The following UBR1 variants were observed in gnomAD, a reference collection of about 807,000 sequenced individuals.
UBR1 encodes E3 ubiquitin-protein ligase UBR1.
UBR1 carries 102 observed loss-of-function variants against 242.1 expected under a neutral mutation model. The ratio of observed to expected loss-of-function variants is 0.42; its 90% CI spans 0.36 to 0.50. The LOEUF is 0.50. Among genes scored for constraint, UBR1 ranks in the 20% least tolerant of loss-of-function variants. The probability of loss-of-function intolerance (pLI) is 0.01; values close to 1 mark genes in which losing one functional copy is unlikely to be tolerated. For missense variants in UBR1, 1,772 were observed against 2,101.8 expected (o/e 0.84, Z 3.07); for synonymous variants, 675 against 684.8 (o/e 0.99, Z 0.22).
chr15:42,945,403 A>G lies in UBR1; in HGVS notation c.5176T>C (p.Cys1726Arg). 6.2e-7 allele frequency: 1 copy of G among 1,614,182 alleles called. No individual in the cohort carries two copies. Among genetic ancestry groups the G allele is most frequent in the South Asian group, 1.1e-5 (1 of 91,080 alleles). The change falls in exon 47 of 47, where the codon TGC becomes CGC. Residue 1726 changes from cysteine (C) to arginine (R), a missense_variant. Around this residue, in one of 3 missense-constraint regions of UBR1, gnomAD observed 965 missense variants for 1,079.7 expected, o/e 0.89. Coordinates refer to ENST00000290650, the MANE Select transcript of UBR1 (RefSeq NM_174916.3). ...RKLHLVWQQH[C>R]IIEEIARSQE... ...CTCCTAGCAATCTCTTCTATAATGCAGTGTTGTTGCCAGACCAAATGGAGC... is the reference window on the plus strand; with the variant it reads ...CTCCTAGCAATCTCTTCTATAATGCGGTGTTGTTGCCAGACCAAATGGAGC...
intron 15 of UBR1, among the ~76,000 whole-genome samples, chr15:43,040,970 T>C (rs1214030402): frequency 6.6e-6 from 1 of 152,074 alleles, no homozygotes; most frequent in Non-Finnish European, 1.5e-5. Flanking sequence ...CGTGGAGAAA[T>C]AGGAACACTT....
chr15:43,045,589 T>G (rs748212447), intron 14 of UBR1, among the ~76,000 whole-genome samples: 1 of 152,104 alleles, frequency 6.6e-6, no homozygotes, highest in Non-Finnish European at 1.5e-5. Flanking sequence ...AACTTTTAAC[T>G]AAGTGGTAGA....
chr15:43,001,616 C>T (rs1204978740), intron 32 of UBR1, among the ~76,000 whole-genome samples: 2 of 152,116 alleles, frequency 1.3e-5, no homozygotes, highest in Non-Finnish European at 2.9e-5. Flanking sequence ...TATTATACTA[C>T]TGTTATCATC....
At position 42,989,971 on chromosome 15, in the gene UBR1, T is replaced by C. The variant is rs548182530; in HGVS notation, c.3848+59A>G. 1.2e-4 allele frequency: 152 copies of C among 1,249,418 alleles called. No homozygotes were observed. In the African/African-American group the frequency reaches 2.0e-3, roughly 16 times the overall value. 77.4% of individuals were successfully genotyped at this position (1,249,418 alleles called of 1,614,324 possible). A position where few individuals can be genotyped will look rare whatever the true frequency, so the allele number is the denominator to read the frequency against. On this transcript the variant is annotated intron_variant, in intron 34 of 46. Transcript: ENST00000290650. ...TAAGGAAAGATGGAAGCCTACACTG[T>C]TTCCTACTCTTATTTTCACAATCAT...
At chr15:43,099,883 T>C (rs955540832) in intron 1 of UBR1, among the ~76,000 whole-genome samples, 1 of 150,610 alleles carries the variant, frequency 6.6e-6, no homozygotes, top group African/African-American at 2.4e-5. Flanking sequence ...GGTGCCTCTT[T>C]TTTTTTTTTT....
At chr15:43,016,749 G>C (rs2141298200) in intron 28 of UBR1, among the ~76,000 whole-genome samples, 1 of 152,218 alleles carries the variant, frequency 6.6e-6, no homozygotes, top group Admixed American at 6.5e-5. Flanking sequence ...GCTAATTTTT[G>C]TATTTTTACT....
intron 40 of UBR1, among the ~76,000 whole-genome samples, chr15:42,967,896 A>G (rs1402141707): frequency 6.6e-6 from 1 of 151,140 alleles, no homozygotes; most frequent in East Asian, 1.9e-4. Flanking sequence ...TAACCTCTAC[A>G]CAAGGGTTAA....
chr15:43,017,196 T>C lies in UBR1; in HGVS notation c.2941-15A>G, dbSNP rs1477535294. 1 of 1,595,458 alleles carries C rather than the reference T, an allele frequency of 6.3e-7. No homozygotes were observed. Among genetic ancestry groups the C allele is most frequent in the East Asian group, 2.2e-5 (1 of 44,776 alleles). ...GTGTCAAACATCTGTGAAAAACAGA[T>C]GAAACGTTAAAAGAGTTAGTTAGAC... On this transcript the variant is annotated splice_polypyrimidine_tract_variant and intron_variant, in intron 27 of 46. Transcript: ENST00000290650.
intron 4 of UBR1, among the ~76,000 whole-genome samples, chr15:43,072,225 C>T (rs1263450343): frequency 6.6e-6 from 1 of 152,142 alleles, no homozygotes; most frequent in Non-Finnish European, 1.5e-5. Context: ...CAATGTAATA[C>T]ACCATATAAA....
chr15:43,025,416 T>C lies in UBR1; in HGVS notation c.2549A>G (p.Gln850Arg). 6.2e-7 allele frequency: 1 copy of C among 1,607,618 alleles called. No homozygotes were observed. Among genetic ancestry groups the C allele is most frequent in the Admixed American group, 1.7e-5 (1 of 59,784 alleles). ...KTQHSKAEHM[Q>R]KKRRKQENKD... ...GTTTTCTTGTTTTCTCCTTTTCTTCTGCATATGTTCAGCCTATAAAAAAAT... is the reference window on the plus strand; with the variant it reads ...GTTTTCTTGTTTTCTCCTTTTCTTCCGCATATGTTCAGCCTATAAAAAAAT... Residue 850 changes from glutamine to arginine, a missense_variant, in exon 24 of 47, where the codon CAG becomes CGG. Around this residue, in one of 3 missense-constraint regions of UBR1, gnomAD observed 965 missense variants for 1,079.7 expected, o/e 0.89. Coordinates refer to ENST00000290650, the MANE Select transcript of UBR1 (RefSeq NM_174916.3).
At chr15:42,958,705 T>G (rs941835783) in intron 43 of UBR1, among the ~76,000 whole-genome samples, 4 of 152,172 alleles carry the variant, frequency 2.6e-5, no homozygotes, top group Non-Finnish European at 4.4e-5. Context: ...AATACATGCT[T>G]GCAAATGTTA....
intron 32 of UBR1, among the ~76,000 whole-genome samples, chr15:42,998,635 C>T (rs962480975): frequency 6.6e-6 from 1 of 152,074 alleles, no homozygotes; most frequent in Non-Finnish European, 1.5e-5. Context: ...CAAATATATC[C>T]CAAGTTCATC....
intron 42 of UBR1, among the ~76,000 whole-genome samples, chr15:42,961,154 G>A (rs899990518): frequency 1.5e-5 from 2 of 136,112 alleles, no homozygotes; most frequent in Non-Finnish European, 3.1e-5. Context: ...TGCTCTTGTC[G>A]CCCAGGCTGG....
intron 32 of UBR1, among the ~76,000 whole-genome samples, chr15:42,998,929 A>G (rs1270082246): frequency 2.9e-5 from 4 of 136,786 alleles, no homozygotes; most frequent in Non-Finnish European, 6.2e-5. Context: ...CCAAACTTGG[A>G]GCCTTTGCTT....
At chr15:42,956,433 C>T (rs1032369764) in intron 44 of UBR1, among the ~76,000 whole-genome samples, 1 of 152,194 alleles carries the variant, frequency 6.6e-6, no homozygotes, top group African/African-American at 2.4e-5. Context: ...GATTCTCACG[C>T]CTCAGCCTCC....
Position 43,056,461 on chromosome 15 carries a change from G to A in UBR1, c.1183-19C>T. 2 of 1,525,474 alleles carry A rather than the reference G, an allele frequency of 1.3e-6. No individual in the cohort carries two copies. The highest frequency in any genetic ancestry group is 1.1e-5 in the South Asian group (1 of 89,008). 94.5% of individuals were successfully genotyped at this position (1,525,474 alleles called of 1,614,324 possible). A position where few individuals can be genotyped will look rare whatever the true frequency, so the allele number is the denominator to read the frequency against. On this transcript the variant is annotated intron_variant, in intron 10 of 46. Transcript: ENST00000290650. ...TATAATACTGAAATATATAAGTAGA[G>A]AATCAATTATAAATCACTACTAAAG...
At chr15:43,104,486 G>A (rs1435065645) in intron 1 of UBR1, among the ~76,000 whole-genome samples, 3 of 151,948 alleles carry the variant, frequency 2.0e-5, no homozygotes, top group Non-Finnish European at 4.4e-5. Flanking sequence ...TCCTCCTTCA[G>A]GAACAGTAGT....
At chr15:43,010,601 G>T (rs2032908858) in intron 29 of UBR1, among the ~76,000 whole-genome samples, 1 of 152,094 alleles carries the variant, frequency 6.6e-6, no homozygotes, top group Admixed American at 6.6e-5. Flanking sequence ...GGAGCAGAAA[G>T]AAGTCCAGGA....
intron 1 of UBR1, among the ~76,000 whole-genome samples, chr15:43,104,471 A>T (rs987939073): frequency 1.3e-5 from 2 of 152,138 alleles, no homozygotes; most frequent in Non-Finnish European, 2.9e-5. Context: ...CTCAAATAAG[A>T]TGCTTCCTCC....
Sources: allele counts gnomAD v4.1 joint callset (sites outside exome capture counted in the v4.1 genomes callset), GRCh38; gene constraint gnomAD v4.1.1; regional missense constraint gnomAD v4.1.1; transcripts MANE v1.5; gene names NCBI Gene and HGNC (gene_info 2026-07-23, HGNC 2026-07-21).